Variants in PHLPP1 observed in about 807,000 individuals in gnomAD.
PHLPP1 encodes PH domain leucine-rich repeat-containing protein phosphatase 1.
A neutral mutation model predicts 117.2 loss-of-function variants in PHLPP1; 42 were observed. The ratio of observed to expected loss-of-function variants is 0.36; its 90% CI spans 0.28 to 0.46. The LOEUF (loss-of-function observed/expected upper bound fraction) is 0.46, where lower values mean the gene tolerates loss of function less well. Ranked by LOEUF, PHLPP1 falls within the 20% of genes least tolerant of loss-of-function variation. The pLI is 1.00. For missense variants in PHLPP1, 2,084 were observed against 2,241.9 expected (o/e 0.93, Z 1.42); for synonymous variants, 1,042 against 970.7 (o/e 1.07, Z -1.37).
intron 1 of PHLPP1, among the ~76,000 whole-genome samples, chr18:62,755,695 AC>A (rs951970579): frequency 6.6e-6 from 1 of 152,160 alleles, no homozygotes; most frequent in Non-Finnish European, 1.5e-5. Flanking sequence ...TGTGAGAAAT[AC>A]ATTTCTGTTG....
chr18:62,843,391 TCTGGATTTTCAG>T (rs1915101565), intron 3 of PHLPP1, among the ~76,000 whole-genome samples: 1 of 152,226 alleles, frequency 6.6e-6, no homozygotes, highest in Non-Finnish European at 1.5e-5. Flanking sequence ...AGTTTATTTT[TCTGGATTTTCAG>T]CTACAAGAGA....
At chr18:62,868,527 C>CAAG (rs1283229200) in intron 4 of PHLPP1, among the ~76,000 whole-genome samples, 2 of 149,326 alleles carry the variant, frequency 1.3e-5, no homozygotes, top group Non-Finnish European at 3.0e-5. Context: ...GAGGCTAAGG[C>CAAG]AAGAGAATCG....
Position 62,941,902 on chromosome 18 carries a change from C to G in PHLPP1, c.3145C>G (p.Gln1049Glu), listed in dbSNP as rs1255564199. 1.9e-6 allele frequency: 3 copies of G among 1,613,348 alleles called. No homozygotes were observed. Among genetic ancestry groups the G allele is most frequent in the Non-Finnish European group, 2.5e-6 (3 of 1,179,484 alleles). Reference protein sequence around the residue: ...KILHMAYNRLQSFPASKMAKL... With the variant: ...KILHMAYNRLESFPASKMAKL... ...CCTTCACATGGCCTATAACCGACTT[C>G]AGAGTTTTCCAGCAAGGTAAAGGAC... The change falls in exon 11 of 17, where the codon CAG becomes GAG. Residue 1049 changes from glutamine to glutamate, a missense_variant. This residue lies in a region of PHLPP1 where 1,365 missense variants were observed against 1,605.9 expected (regional missense o/e 0.85). Transcript: ENST00000262719.
chr18:62,849,832 A>AAAAAAAAAATATATAT (rs1555677083), intron 3 of PHLPP1, among the ~76,000 whole-genome samples: 2 of 33,082 alleles, frequency 6.0e-5, no homozygotes, highest in Non-Finnish European at 1.1e-4. Context: ...AAAAAAAAAA[A>AAAAAAAAAATATATAT]ATATATATAT....
At chr18:62,811,038 A>T (rs1047951884) in intron 1 of PHLPP1, among the ~76,000 whole-genome samples, 18 of 152,200 alleles carry the variant, frequency 1.2e-4, no homozygotes, top group African/African-American at 3.6e-4. Context: ...ATAGAGAAAA[A>T]GGTGATGTGA....
chr18:62,727,143 A>G (rs1481584958), intron 1 of PHLPP1, among the ~76,000 whole-genome samples: 3 of 150,488 alleles, frequency 2.0e-5, no homozygotes, highest in Admixed American at 6.7e-5. Flanking sequence ...CAGAAGAATC[A>G]CTTGAACCTG....
intron 3 of PHLPP1, among the ~76,000 whole-genome samples, chr18:62,844,182 C>T (rs924946477): frequency 2.6e-5 from 4 of 151,794 alleles, no homozygotes; most frequent in South Asian, 2.1e-4. Context: ...ACAAAAAATA[C>T]AAAAATTAGC....
At chr18:62,840,962 T>C (rs1221160673) in intron 3 of PHLPP1, among the ~76,000 whole-genome samples, 1 of 152,226 alleles carries the variant, frequency 6.6e-6, no homozygotes, top group African/African-American at 2.4e-5. Context: ...CGATCTTGGG[T>C]CACTACAACC....
intron 3 of PHLPP1, among the ~76,000 whole-genome samples, chr18:62,846,428 G>T (rs545385228): frequency 1.3e-5 from 2 of 152,064 alleles, no homozygotes; most frequent in African/African-American, 4.8e-5. Context: ...GGATAAATAG[G>T]TGTTCACCAT....
chr18:62,726,207 G>T (rs1412050429), intron 1 of PHLPP1, among the ~76,000 whole-genome samples: 1 of 151,878 alleles, frequency 6.6e-6, no homozygotes, highest in Non-Finnish European at 1.5e-5. Flanking sequence ...GATGGGAGGG[G>T]GTGAGTAGGG....
intron 1 of PHLPP1, among the ~76,000 whole-genome samples, chr18:62,749,844 C>T (rs1223879222): frequency 4.6e-5 from 7 of 152,062 alleles, no homozygotes; most frequent in African/African-American, 1.4e-4. Flanking sequence ...GGTGAAACCT[C>T]GTCTTTACTA....
chr18:62,891,256 A>T (rs1221608867), intron 4 of PHLPP1, among the ~76,000 whole-genome samples: 3 of 152,208 alleles, frequency 2.0e-5, no homozygotes, highest in African/African-American at 7.2e-5. Flanking sequence ...TATTTATGTC[A>T]ATTATATATA....
intron 12 of PHLPP1, among the ~76,000 whole-genome samples, chr18:62,947,325 A>G (rs1261025321): frequency 6.6e-6 from 1 of 152,268 alleles, no homozygotes; most frequent in East Asian, 1.9e-4. Flanking sequence ...AATGTTAGCC[A>G]TTATTAATCA....
At chr18:62,901,672 A>G (rs1568155776) in intron 6 of PHLPP1, among the ~76,000 whole-genome samples, 1 of 145,634 alleles carries the variant, frequency 6.9e-6, no homozygotes, top group African/African-American at 2.6e-5. Context: ...CGCCCAGGCT[A>G]GAGTGCAATG....
At position 62,738,033 on chromosome 18, in the gene PHLPP1, C is replaced by G. The variant is rs115891386; in HGVS notation, c.1576+20774C>G. On this transcript the variant is annotated intron_variant, in intron 1 of 16. Coordinates refer to ENST00000262719, the MANE Select transcript of PHLPP1 (RefSeq NM_194449.4). ...GGATGCCTGAAGCTGGGGGTAGTAC[C>G]TATACCTATAGGTAGAACATTAGAT... is the stretch of plus-strand genomic sequence containing the variant. Among the ~76,000 whole-genome samples the G allele has an allele frequency of 7.7e-3, 1,173 of 152,008 alleles. 18 individuals are homozygous for G. The highest frequency in any genetic ancestry group is 0.027 in the African/African-American group (1,124 of 41,424).
intron 1 of PHLPP1, among the ~76,000 whole-genome samples, chr18:62,804,054 A>C (rs1463844792): frequency 6.6e-6 from 1 of 152,178 alleles, no homozygotes; most frequent in African/African-American, 2.4e-5. Context: ...AAGATGTGTA[A>C]TTGACTCACA....
intron 3 of PHLPP1, among the ~76,000 whole-genome samples, chr18:62,849,832 A>AAAAAAAAAAAAAAATATATAT (rs1555677083): frequency 3.0e-5 from 1 of 33,084 alleles, no homozygotes; most frequent in Non-Finnish European, 5.3e-5. Flanking sequence ...AAAAAAAAAA[A>AAAAAAAAAAAAAAATATATAT]ATATATATAT....
intron 8 of PHLPP1, among the ~76,000 whole-genome samples, chr18:62,908,960 A>C (rs1161229345): frequency 1.8e-4 from 3 of 16,886 alleles, no homozygotes; most frequent in African/African-American, 6.6e-4. Context: ...CTCAGACCAC[A>C]GTGCAATCAA....
chr18:62,796,928 A>C (rs937208897), intron 1 of PHLPP1, among the ~76,000 whole-genome samples: 61 of 152,200 alleles, frequency 4.0e-4, no homozygotes, highest in African/African-American at 1.4e-3. Context: ...TTGGGAAGAG[A>C]AATTCTATTT....
Sources: gnomAD v4.1 joint callset for allele counts (sites outside exome capture counted in the v4.1 genomes callset) on GRCh38, gnomAD v4.1.1 for gene constraint, gnomAD v4.1.1 regional missense constraint, MANE v1.5 for transcripts, NCBI Gene and HGNC (gene_info 2026-07-23, HGNC 2026-07-21) for gene names.